The following TRAPPC11 variants were observed in gnomAD, a reference collection of about 807,000 sequenced individuals.
TRAPPC11 encodes the protein trafficking protein particle complex subunit 11.
Under a neutral mutation model 151.2 loss-of-function variants are expected in TRAPPC11, and 104 were observed. That is an observed-to-expected ratio of 0.69 (90% CI 0.59 to 0.81). The LOEUF (loss-of-function observed/expected upper bound fraction) is 0.81, where lower values mean the gene tolerates loss of function less well. Among genes scored for constraint, TRAPPC11 ranks in the 30% least tolerant of loss-of-function variants. The probability of loss-of-function intolerance (pLI) is 0.00; values close to 1 mark genes in which losing one functional copy is unlikely to be tolerated. For synonymous variants in TRAPPC11, 456 were observed against 472.3 expected, an observed-to-expected ratio of 0.97 and a Z score of 0.45; for missense variants, 1,230 against 1,349.6, an observed-to-expected ratio of 0.91 and a Z score of 1.39.
chr4:183,679,226 C>A (rs1157600746), intron 8 of TRAPPC11, 127 bp from the exon 9 acceptor site: 2 of 905,626 alleles, frequency 2.2e-6, no homozygotes, highest in Non-Finnish European at 3.1e-6. Flanking sequence ...AATTGTATTG[C>A]AAAGAGCTTC....
intron 5 of TRAPPC11, among the ~76,000 whole-genome samples, chr4:183,669,376 C>T (rs539291697): frequency 6.6e-6 from 1 of 152,320 alleles, no homozygotes; most frequent in Admixed American, 6.5e-5. Context: ...CAGCATCACA[C>T]CTGGCCTCAG....
chr4:183,692,943 CT>C lies in TRAPPC11; in HGVS notation c.2050-9del. 8.8e-6 allele frequency: 14 copies of C among 1,583,206 alleles called. No individual in the cohort carries two copies. The highest frequency in any genetic ancestry group is 1.8e-5 in the Admixed American group (1 of 55,252). On this transcript the variant is annotated splice_polypyrimidine_tract_variant and intron_variant, in intron 19 of 29. Coordinates refer to ENST00000334690, the MANE Select transcript of TRAPPC11 (RefSeq NM_021942.6). ...CATATGAGATGACATTTCCAACATCCTTTTTTTTCTTTTTAGATTACTTCAG... is the reference window on the plus strand; with the variant it reads ...CATATGAGATGACATTTCCAACATCCTTTTTTTCTTTTTAGATTACTTCAG...
At chr4:183,691,664 T>A (rs1736266946) in intron 19 of TRAPPC11, among the ~76,000 whole-genome samples, 193 bp downstream of exon 19, 1 of 152,100 alleles carries the variant, frequency 6.6e-6, no homozygotes, top group African/African-American at 2.4e-5. Context: ...AGTTTAAAAT[T>A]TTTTGCAATT....
chr4:183,680,408 A>G, intron 10 of TRAPPC11, 141 bp downstream of exon 10: 3 of 956,544 alleles, frequency 3.1e-6, no homozygotes, highest in Non-Finnish European at 4.3e-6. Context: ...TAGGAATTAC[A>G]TTGATCTTTG....
chr4:183,661,757 CTTTT>C (rs562308106), intron 1 of TRAPPC11, among the ~76,000 whole-genome samples: 2 of 100,132 alleles, frequency 2.0e-5, no homozygotes, highest in Admixed American at 1.3e-4. Flanking sequence ...TTTGGAATAA[CTTTT>C]TTTTTTTTTT....
intron 5 of TRAPPC11, among the ~76,000 whole-genome samples, chr4:183,673,209 C>T (rs189250123): frequency 2.1e-3 from 323 of 152,204 alleles, no homozygotes; most frequent in Non-Finnish European, 3.6e-3. Flanking sequence ...TGATCCGCCT[C>T]TGCCTCCCAA....
chr4:183,685,974 CT>C (rs1223936859), intron 17 of TRAPPC11, among the ~76,000 whole-genome samples: 1 of 152,144 alleles, frequency 6.6e-6, no homozygotes, highest in Non-Finnish European at 1.5e-5. Context: ...GCTGAGATTA[CT>C]TATGGGCGTG....
chr4:183,707,252 T>TTGTGTGTGTG (rs1275308451), intron 28 of TRAPPC11, among the ~76,000 whole-genome samples: 16 of 98,752 alleles, frequency 1.6e-4, no homozygotes, highest in African/African-American at 5.5e-4. Flanking sequence ...GTGTGTGTGT[T>TTGTGTGTGTG]TATGTGTGTG....
At chr4:183,701,514 C>G (rs1008728190) in intron 25 of TRAPPC11, 183 bp from the exon 26 acceptor site, 3 of 533,646 alleles carry the variant, frequency 5.6e-6, no homozygotes, top group Non-Finnish European at 1.0e-5. Context: ...GGTACATTAG[C>G]AAAAACAGTG....
chr4:183,675,218 G>T lies in TRAPPC11; in HGVS notation c.715G>T (p.Asp239Tyr). Residue 239 changes from aspartate to tyrosine, a missense_variant, in exon 7 of 30, where the codon GAT becomes TAT. Coordinates refer to ENST00000334690, the MANE Select transcript of TRAPPC11 (RefSeq NM_021942.6). Reference protein sequence around the residue: ...KIAFFSELKQDTQNALKNYRT... With the variant: ...KIAFFSELKQYTQNALKNYRT... ...AGCTTTCTTCAGTGAGTTGAAACAA[G>T]ATACACAAAATGCGCTGAAGTAAGT... 6.5e-7 allele frequency: 1 copy of T among 1,541,636 alleles called. No homozygotes were observed. The highest frequency in any genetic ancestry group is 8.7e-7 in the Non-Finnish European group (1 of 1,143,210).
intron 5 of TRAPPC11, among the ~76,000 whole-genome samples, chr4:183,669,034 A>G (rs1735019060): frequency 1.3e-5 from 2 of 152,222 alleles, no homozygotes. Flanking sequence ...ACTGGTATAT[A>G]AAAGACCAGG....
At chr4:183,678,721 A>G (rs886222220) in intron 8 of TRAPPC11, among the ~76,000 whole-genome samples, 5 of 152,214 alleles carry the variant, frequency 3.3e-5, no homozygotes, top group African/African-American at 4.8e-5. Context: ...GGGAAATTAG[A>G]TGGCTGAGAG....
In TRAPPC11 at chr4:183,667,654, G is replaced by T. The variant is rs534365658; in HGVS notation, c.446-349G>T. On this transcript the variant is annotated intron_variant, in intron 4 of 29. Transcript: ENST00000334690. ...GACCAAAATATATTTTTGTTTCTGT[G>T]TTGAAACTTATAGCATCCAAAATGG... Among the ~76,000 whole-genome samples, 4 of 152,270 alleles carry T rather than the reference G, an allele frequency of 2.6e-5. No individual in the cohort carries two copies. In the South Asian group the frequency reaches 8.3e-4, roughly 32 times the overall value.
chr4:183,698,275 T>C (rs1048711983), intron 25 of TRAPPC11, among the ~76,000 whole-genome samples: 1 of 152,212 alleles, frequency 6.6e-6, no homozygotes, highest in African/African-American at 2.4e-5. Flanking sequence ...TTTGTAAGAC[T>C]GATTCAAATC....
intron 23 of TRAPPC11, among the ~76,000 whole-genome samples, chr4:183,695,304 CAT>C (rs1037918026): frequency 1.3e-5 from 2 of 152,090 alleles, no homozygotes; most frequent in African/African-American, 4.8e-5. Context: ...GCAAATCACA[CAT>C]GAGATAAAAT....
At chr4:183,674,038 T>C (rs1253568946) in intron 5 of TRAPPC11, among the ~76,000 whole-genome samples, 1 of 152,232 alleles carries the variant, frequency 6.6e-6, no homozygotes, top group East Asian at 1.9e-4. Context: ...AACTGAAATC[T>C]AATTGATTAA....
intron 2 of TRAPPC11, among the ~76,000 whole-genome samples, chr4:183,665,196 G>A (rs539503180): frequency 4.8e-5 from 7 of 145,242 alleles, no homozygotes; most frequent in East Asian, 2.0e-4. Flanking sequence ...CTGGGTTCGT[G>A]CCATTCTCCT....
chr4:183,701,446 A>G (rs188597901), intron 25 of TRAPPC11: 3 of 368,926 alleles, frequency 8.1e-6, no homozygotes, highest in African/African-American at 4.1e-5. Flanking sequence ...ATTAGTTTCC[A>G]TAGGACTTTC....
chr4:183,706,966 A>T lies in TRAPPC11; in HGVS notation c.3189+26A>T, dbSNP rs112562678. ...GTACAGGTCATATCTTGTGATGCTT[A>T]TGTTGACACAAAAGTGTGCCAGGAA... is the stretch of plus-strand genomic sequence containing the variant. On this transcript the variant is annotated intron_variant, in intron 28 of 29. Coordinates refer to ENST00000334690, the MANE Select transcript of TRAPPC11 (RefSeq NM_021942.6). 1.4e-4 allele frequency: 225 copies of T among 1,608,238 alleles called. No homozygotes were observed. In the African/African-American group the frequency reaches 2.4e-3, roughly 17 times the overall value.
Sources: gnomAD v4.1 joint callset for allele counts (sites outside exome capture counted in the v4.1 genomes callset) on GRCh38, gnomAD v4.1.1 for gene constraint, MANE v1.5 for transcripts, NCBI Gene and HGNC (gene_info 2026-07-23, HGNC 2026-07-21) for gene names.